The following PRKAR1B variants were observed in gnomAD, a reference collection of about 807,000 sequenced individuals.
PRKAR1B encodes the protein protein kinase cAMP-dependent type I regulatory subunit beta, also known as cAMP-dependent protein kinase type I-beta regulatory subunit.
PRKAR1B carries 22 observed loss-of-function variants against 46.5 expected under a neutral mutation model. The observed-to-expected ratio is 0.47, with a 90% confidence interval of 0.34 to 0.68. PRKAR1B has a LOEUF of 0.68. Ranked by LOEUF, PRKAR1B falls within the 30% of genes least tolerant of loss-of-function variation. The probability of loss-of-function intolerance (pLI) is 0.01; values close to 1 mark genes in which losing one functional copy is unlikely to be tolerated. For missense variants in PRKAR1B, 445 were observed against 535.6 expected (o/e 0.83, Z 1.67); for synonymous variants, 259 against 217.7 (o/e 1.19, Z -1.67).
chr7:615,918 G>GA (rs987074376), intron 4 of PRKAR1B, among the ~76,000 whole-genome samples: 2 of 144,272 alleles, frequency 1.4e-5, no homozygotes, highest in South Asian at 2.2e-4. Flanking sequence ...GAGAAAGAGA[G>GA]AAAAAAAGGA....
At position 571,954 on chromosome 7, in the gene PRKAR1B, G is replaced by A. The variant is rs35181219; in HGVS notation, c.891+7302C>T. Among the ~76,000 whole-genome samples the A allele has an allele frequency of 6.8e-3, 1,040 of 152,322 alleles. 4 individuals are homozygous for A. Among genetic ancestry groups the A allele is most frequent in the Middle Eastern group, 0.017 (5 of 294 alleles). ...CGCCACTCTCACTGGGGAGCGAGCCGGGTGTCCGCCGGAGGCAGGGCACAG... is the reference window on the plus strand; with the variant it reads ...CGCCACTCTCACTGGGGAGCGAGCCAGGTGTCCGCCGGAGGCAGGGCACAG... On this transcript the variant is annotated intron_variant, in intron 9 of 10. Coordinates refer to ENST00000537384, the MANE Select transcript of PRKAR1B (RefSeq NM_001164760.2).
At chr7:686,128 G>A (rs181178502) in intron 2 of PRKAR1B, among the ~76,000 whole-genome samples, 94 of 151,940 alleles carry the variant, frequency 6.2e-4, no homozygotes, top group African/African-American at 2.2e-3. Flanking sequence ...GTGAAACCCC[G>A]TCTCTACTAA....
rs555668398 is a variant in PRKAR1B at position 706,146 on chromosome 7, C to T, written c.177+5183G>A. ...TTCAAGACCAGCCTGGGCAACATGG[C>T]GAAATCCCGTCTCCACAAAAAATAC... On this transcript the variant is annotated intron_variant, in intron 2 of 10. Coordinates refer to ENST00000537384, the MANE Select transcript of PRKAR1B (RefSeq NM_001164760.2). Among the ~76,000 whole-genome samples, 10 of 151,986 alleles carry T rather than the reference C, an allele frequency of 6.6e-5. 1 individual carries two copies. Among genetic ancestry groups the T allele is most frequent in the Non-Finnish European group, 1.2e-4 (8 of 68,006 alleles).
intron 4 of PRKAR1B, among the ~76,000 whole-genome samples, chr7:627,828 A>C (rs568188838): frequency 6.6e-6 from 1 of 152,256 alleles, no homozygotes; most frequent in Admixed American, 6.5e-5. Flanking sequence ...GCTCAACTCC[A>C]CTCGGCCCTC....
At chr7:592,876 C>A (rs1430310575) in intron 7 of PRKAR1B, among the ~76,000 whole-genome samples, 1 of 152,058 alleles carries the variant, frequency 6.6e-6, no homozygotes, top group Non-Finnish European at 1.5e-5. Flanking sequence ...CTACAAAAAA[C>A]AATTTTTTAA....
intron 2 of PRKAR1B, among the ~76,000 whole-genome samples, chr7:693,886 C>T (rs1475440209): frequency 3.3e-5 from 5 of 152,208 alleles, no homozygotes; most frequent in African/African-American, 1.2e-4. Flanking sequence ...GGTTCCATGT[C>T]CCCCACACCC....
At chr7:727,429 C>A, upstream of PRKAR1B, 2 of 442,136 alleles carry the variant, frequency 4.5e-6, no homozygotes, top group Non-Finnish European at 6.7e-6. Context: ...TCCACGCCCG[C>A]ACCCCCCAAC....
At chr7:672,157 G>T (rs912193781) in intron 4 of PRKAR1B, among the ~76,000 whole-genome samples, 19 of 146,270 alleles carry the variant, frequency 1.3e-4, no homozygotes, top group Middle Eastern at 3.6e-3. Flanking sequence ...AACCGAATTT[G>T]TTTTTTTTTT....
At chr7:726,492 C>A (rs2128537755) in intron 1 of PRKAR1B, 2 of 377,848 alleles carry the variant, frequency 5.3e-6, no homozygotes, top group South Asian at 2.9e-4. Flanking sequence ...CGAGACCTTC[C>A]CCATCTGTAC....
At chr7:699,983 G>A (rs979833777) in intron 2 of PRKAR1B, among the ~76,000 whole-genome samples, 1 of 152,202 alleles carries the variant, frequency 6.6e-6, no homozygotes, top group Non-Finnish European at 1.5e-5. Context: ...GGCGTGGGCG[G>A]GGGAAGGGGC....
At chr7:709,714 C>T (rs796980112) in intron 2 of PRKAR1B, among the ~76,000 whole-genome samples, 24 of 152,142 alleles carry the variant, frequency 1.6e-4, no homozygotes, top group Non-Finnish European at 2.5e-4. Flanking sequence ...GTTGCCCAGG[C>T]TGGAGTGCAG....
intron 3 of PRKAR1B, among the ~76,000 whole-genome samples, chr7:677,793 A>T (rs1256051682): frequency 6.6e-6 from 1 of 152,192 alleles, no homozygotes; most frequent in African/African-American, 2.4e-5. Context: ...GAAATTCATC[A>T]TGAGGCAATT....
intron 4 of PRKAR1B, among the ~76,000 whole-genome samples, chr7:625,974 C>T (rs1257511847): frequency 6.7e-6 from 1 of 148,286 alleles, no homozygotes; most frequent in Non-Finnish European, 1.5e-5. Flanking sequence ...CGCCATTGCA[C>T]TCCAGCCTGG....
chr7:714,171 C>T lies in PRKAR1B; in HGVS notation c.-22-2644G>A, dbSNP rs1277757419. Among the ~76,000 whole-genome samples the T allele has an allele frequency of 1.3e-5, 2 of 152,152 alleles. No homozygotes were observed. Among genetic ancestry groups the T allele is most frequent in the East Asian group, 3.9e-4 (2 of 5,188 alleles). On this transcript the variant is annotated intron_variant, in intron 1 of 10. Coordinates refer to ENST00000537384, the MANE Select transcript of PRKAR1B (RefSeq NM_001164760.2). The surrounding 1 kb of genome is among the most constrained non-coding windows in gnomAD (Gnocchi z 4.3). ...AGACCCAGGTGCCACCTAACCAAGG[C>T]GACGTCTCGCTTCGGGGGGCAGATG...
intron 1 of PRKAR1B, among the ~76,000 whole-genome samples, chr7:717,417 G>A (rs563019967): frequency 8.5e-5 from 13 of 152,254 alleles, no homozygotes; most frequent in Non-Finnish European, 1.5e-4. Flanking sequence ...AGAACTTTGC[G>A]GGGCCAAAAG....
At chr7:676,481 T>C (rs1266201563) in intron 4 of PRKAR1B, among the ~76,000 whole-genome samples, 1 of 152,184 alleles carries the variant, frequency 6.6e-6, no homozygotes, top group Non-Finnish European at 1.5e-5. Flanking sequence ...TATCCATGCA[T>C]GCGGAAGAGG....
At chr7:596,774 A>T (rs970467441) in intron 6 of PRKAR1B, among the ~76,000 whole-genome samples, 1 of 151,656 alleles carries the variant, frequency 6.6e-6, no homozygotes, top group Non-Finnish European at 1.5e-5. Flanking sequence ...CTTCCTCTCC[A>T]CCCCAGGCCA....
chr7:591,097 G>A (rs775411035), intron 7 of PRKAR1B, among the ~76,000 whole-genome samples: 63 of 152,282 alleles, frequency 4.1e-4, no homozygotes, highest in Non-Finnish European at 8.1e-4. Context: ...TTTGCCCGGG[G>A]AACCTCAGAC....
At chr7:696,739 T>G (rs927588161) in intron 2 of PRKAR1B, 1 of 152,276 alleles carries the variant, frequency 6.6e-6, no homozygotes, top group Non-Finnish European at 1.5e-5. Context: ...GTCTCTTGGC[T>G]GAAAGAGCTT....
Sources: gnomAD v4.1 joint callset for allele counts (sites outside exome capture counted in the v4.1 genomes callset) on GRCh38, gnomAD v4.1.1 for gene constraint, Gnocchi (gnomAD v3.1) non-coding constraint, MANE v1.5 for transcripts, NCBI Gene and HGNC (gene_info 2026-07-23, HGNC 2026-07-21) for gene names.